Variants in UNC45A observed in about 807,000 individuals in gnomAD.
UNC45A encodes the protein protein unc-45 homolog A.
A neutral mutation model predicts 103.2 loss-of-function variants in UNC45A; 78 were observed. That is an observed-to-expected ratio of 0.76 (90% CI 0.63 to 0.91). The LOEUF (loss-of-function observed/expected upper bound fraction) is 0.91, where lower values mean the gene tolerates loss of function less well. Among genes scored for constraint, UNC45A ranks in the 40% least tolerant of loss-of-function variants. The probability of loss-of-function intolerance (pLI) is 0.00; values close to 1 mark genes in which losing one functional copy is unlikely to be tolerated. For missense variants in UNC45A, 1,193 were observed against 1,224.8 expected (o/e 0.97, Z 0.39); for synonymous variants, 495 against 504.6 (o/e 0.98, Z 0.25).
rs753614702 is a variant in UNC45A, at chr15:90,949,302, G to A, written c.1879-14G>A. 6.2e-7 allele frequency: 1 copy of A among 1,609,106 alleles called. No homozygotes were observed. The highest frequency in any genetic ancestry group is 8.5e-7 in the Non-Finnish European group (1 of 1,179,718). On this transcript the variant is annotated splice_polypyrimidine_tract_variant and intron_variant, in intron 13 of 19. Coordinates refer to ENST00000418476, the MANE Select transcript of UNC45A (RefSeq NM_018671.5). ...TCAGCCTAGGCCCCTCTCCTAAGCT[G>A]CCTCCTCCCCCAGGACAAGCCAAGC...
chr15:90,938,967 T>G (rs1205013563), intron 4 of UNC45A, among the ~76,000 whole-genome samples: 1 of 150,122 alleles, frequency 6.7e-6, no homozygotes, highest in Admixed American at 6.7e-5. Context: ...CCACCGTGCC[T>G]GGCTTCAGAT....
intron 16 of UNC45A, 105 bp from the exon 17 acceptor site, chr15:90,950,395 C>T: frequency 1.4e-6 from 2 of 1,464,130 alleles, no homozygotes; most frequent in Non-Finnish European, 1.9e-6. Flanking sequence ...GGGAGGACAG[C>T]CTGAGACAGC....
chr15:90,950,300 C>T (rs754071363), intron 16 of UNC45A, 33 bp downstream of exon 16: 154 of 1,548,362 alleles, frequency 9.9e-5, no homozygotes, highest in Admixed American at 2.4e-4. Context: ...CTTTCCACTC[C>T]CTCTGTCCCT....
Position 90,949,335 on chromosome 15 carries a change from G to T in UNC45A, c.1898G>T (p.Arg633Leu). ...QHPKDKPSFV[R>L]ARVKKLLAAG... ...CCCCAGGACAAGCCAAGCTTCGTGC[G>T]GGCTCGGGTGAAGAAGCTGCTGGCA... The change falls in exon 14 of 20, where the codon CGG becomes CTG. Residue 633 changes from arginine to leucine, a missense_variant. Transcript: ENST00000418476. 6.2e-7 allele frequency: 1 copy of T among 1,612,878 alleles called. No homozygotes were observed. Among genetic ancestry groups the T allele is most frequent in the African/African-American group, 1.3e-5 (1 of 75,046 alleles).
chr15:90,940,505 C>T (rs770484121), intron 6 of UNC45A, 32 bp downstream of exon 6: 49 of 1,591,762 alleles, frequency 3.1e-5, no homozygotes, highest in Non-Finnish European at 3.9e-5. Context: ...GTTACAGCTT[C>T]AGTCCCTTTG....
At position 90,942,494 on chromosome 15, in the gene UNC45A, G is replaced by A. The variant is rs1012504238; in HGVS notation, c.745G>A (p.Glu249Lys). The change falls in exon 7 of 20, where the codon GAA becomes AAA. Residue 249 changes from glutamate (E) to lysine (K), a missense_variant. By Grantham distance (56) the Glu-to-Lys change is moderately conservative. Coordinates refer to ENST00000418476, the MANE Select transcript of UNC45A (RefSeq NM_018671.5). Reference protein sequence around the residue: ...TRRVVSILGVESQAVSLAACH... With the variant: ...TRRVVSILGVKSQAVSLAACH... ...GCGAGTAGTCTCCATCCTGGGCGTG[G>A]AAAGCCAGGCTGTGTCCCTGGCTGC... 4 of 1,614,152 alleles carry A rather than the reference G, an allele frequency of 2.5e-6. No homozygotes were observed. The highest frequency in any genetic ancestry group is 1.6e-4 in the Middle Eastern group (1 of 6,062).
rs1213760795 is a variant in UNC45A, at chr15:90,936,441, G to C, written c.407G>C (p.Gly136Ala). The C allele has an allele frequency of 3.7e-6, 6 of 1,614,156 alleles. No individual in the cohort carries two copies. The highest frequency in any genetic ancestry group is 5.1e-6 in the Non-Finnish European group (6 of 1,180,006). ...KVFQEALRNI[G>A]GQIQEKVRYM... ...TTCCAGGAGGCCTTGCGGAACATCGGGGGCCAGATTCAGGAGAAGGTATGT... is the reference window on the plus strand; with the variant it reads ...TTCCAGGAGGCCTTGCGGAACATCGCGGGCCAGATTCAGGAGAAGGTATGT... Residue 136 changes from glycine (G) to alanine (A), a missense_variant, in exon 4 of 20, where the codon GGG (glycine) becomes GCG (alanine). Coordinates refer to ENST00000418476, the MANE Select transcript of UNC45A (RefSeq NM_018671.5).
rs768721514 is a variant in UNC45A, at chr15:90,946,720, A to C, written c.1306A>C (p.Ser436Arg). 3.3e-5 allele frequency: 54 copies of C among 1,613,324 alleles called. No individual in the cohort carries two copies. Among genetic ancestry groups the C allele is most frequent in the Non-Finnish European group, 4.4e-5 (52 of 1,180,028 alleles). Residue 436 changes from serine (S) to arginine (R), a missense_variant, in exon 10 of 20, where the codon AGC (serine) becomes CGC (arginine). By Grantham distance (110) the Ser-to-Arg change is moderately radical. Coordinates refer to ENST00000418476, the MANE Select transcript of UNC45A (RefSeq NM_018671.5). The stretch of plus-strand genomic sequence containing the variant: ...CGCTGGCAACCGGGCCTTGGAGCTG[A>C]GCGGTGTCATGGAGAGTGTGATTGC... ...CDAGNRALEL[S>R]GVMESVIALC... is the part of the protein sequence containing the mutation.
Position 90,953,022 on chromosome 15 carries a change from G to A in UNC45A, c.2397G>A (p.Met799Ile), listed in dbSNP as rs1403071425. ...EMIRRAATEC[M>I]CNLAMSKEVQ... ...TCCGCCGGGCAGCCACGGAGTGCAT[G>A]TGTAACTTGGCCATGAGCAAGGAGG... is the stretch of plus-strand genomic sequence containing the variant. The change falls in exon 18 of 20, where the codon ATG becomes ATA. Residue 799 changes from methionine to isoleucine, a missense_variant. Physicochemically the swap from Met to Ile is conservative, Grantham distance 10. Coordinates refer to ENST00000418476, the MANE Select transcript of UNC45A (RefSeq NM_018671.5). The A allele has an allele frequency of 1.9e-6, 3 of 1,613,624 alleles. No individual in the cohort carries two copies. The East Asian group carries it at 6.7e-5, about 36-fold the overall frequency.
Position 90,942,460 on chromosome 15 carries a change from G to A in UNC45A, c.711G>A (p.Leu237=). Residue 237 remains leucine (L), a synonymous_variant, in exon 7 of 20, where the codon CTG becomes CTA. Coordinates refer to ENST00000418476, the MANE Select transcript of UNC45A (RefSeq NM_018671.5). ...QSRTVATLSI[L]GTRRVVSILG... The stretch of plus-strand genomic sequence containing the variant: ...AGACAGTGGCAACCCTGAGCATACT[G>A]GGAACTCGGCGAGTAGTCTCCATCC... 6.2e-7 allele frequency: 1 copy of A among 1,613,568 alleles called. No homozygotes were observed. The highest frequency in any genetic ancestry group is 8.5e-7 in the Non-Finnish European group (1 of 1,179,746).
intron 3 of UNC45A, 97 bp from the exon 4 acceptor site, chr15:90,936,188 C>A (rs769900698): frequency 5.2e-6 from 8 of 1,535,154 alleles, no homozygotes; most frequent in South Asian, 3.9e-5. Flanking sequence ...TTCGTCCCCC[C>A]CACCTTCTTC....
At chr15:90,931,041 T>C (rs1175619565), upstream of UNC45A, 13 of 509,886 alleles carry the variant, frequency 2.5e-5, no homozygotes, top group East Asian at 3.6e-4. Context: ...ACCCAAGACT[T>C]GGGGAGAGGC....
At position 90,942,927 on chromosome 15, in the gene UNC45A, T is replaced by C; in HGVS notation, c.872T>C (p.Leu291Pro). The change falls in exon 8 of 20, where the codon CTG becomes CCG. Residue 291 changes from leucine to proline, a missense_variant. Coordinates refer to ENST00000418476, the MANE Select transcript of UNC45A (RefSeq NM_018671.5). ...GAIIVDPARE[L>P]KVLISNLLDL... ...TTGTTGCCAGATCCTGCCCGGGAGC[T>C]GAAGGTCCTCATCAGTAACCTCTTA... 1 of 1,608,612 alleles carries C rather than the reference T, an allele frequency of 6.2e-7. No individual in the cohort carries two copies. Among genetic ancestry groups the C allele is most frequent in the Non-Finnish European group, 8.5e-7 (1 of 1,176,198 alleles).
In UNC45A at chr15:90,946,646, A is replaced by G. The variant is rs770574085; in HGVS notation, c.1232A>G (p.Lys411Arg). 1.9e-6 allele frequency: 3 copies of G among 1,610,300 alleles called. No homozygotes were observed. The highest frequency in any genetic ancestry group is 4.5e-5 in the East Asian group (2 of 44,836). The change falls in exon 10 of 20, where the codon AAG becomes AGG. Residue 411 changes from lysine (K) to arginine (R), a missense_variant. Coordinates refer to ENST00000418476, the MANE Select transcript of UNC45A (RefSeq NM_018671.5). ...TTTGAGGGCCAAGGGCTGGCCGGGA[A>G]GCTACGGGCCATCCAGACGGTGTCC... Reference protein sequence around the residue: ...SWFEGQGLAGKLRAIQTVSCL... With the variant: ...SWFEGQGLAGRLRAIQTVSCL...
At position 90,950,282 on chromosome 15, in the gene UNC45A, G is replaced by A; in HGVS notation, c.2187+15G>A. On this transcript the variant is annotated intron_variant, in intron 16 of 19. Coordinates refer to ENST00000418476, the MANE Select transcript of UNC45A (RefSeq NM_018671.5). ...CTGGCGAGCGGGTACGTGTCTTCCT[G>A]CCCCGGCCTTTCCACTCCCTCTGTC... 1 of 1,551,366 alleles carries A rather than the reference G, an allele frequency of 6.4e-7. No individual in the cohort carries two copies. Among genetic ancestry groups the A allele is most frequent in the Non-Finnish European group, 8.7e-7 (1 of 1,146,772 alleles).
At chr15:90,935,871 G>C (rs2035988971) in intron 2 of UNC45A, 75 bp from the exon 3 acceptor site, 1 of 1,607,094 alleles carries the variant, frequency 6.2e-7, no homozygotes, top group Non-Finnish European at 8.5e-7. Flanking sequence ...TGGAGAGCGA[G>C]AGTACCCCTG....
intron 4 of UNC45A, among the ~76,000 whole-genome samples, chr15:90,939,492 G>A (rs939114274): frequency 1.3e-5 from 2 of 152,208 alleles, no homozygotes; most frequent in African/African-American, 4.8e-5. Flanking sequence ...AGGCACTCCA[G>A]CATCGGCGCA....
At position 90,935,329 on chromosome 15, in the gene UNC45A, C is replaced by T; in HGVS notation, c.5C>T (p.Thr2Ile). 6.2e-7 allele frequency: 1 copy of T among 1,604,536 alleles called. No homozygotes were observed. The highest frequency in any genetic ancestry group is 8.5e-7 in the Non-Finnish European group (1 of 1,176,972). The change falls in exon 1 of 20, where the codon ACT becomes ATT. Residue 2 changes from threonine (T) to isoleucine (I), a missense_variant. By Grantham distance (89) the Thr-to-Ile change is moderately conservative. Transcript: ENST00000418476. M[T>I]VSGPGTPEPR... The stretch of plus-strand genomic sequence containing the variant: ...GCACGAGACAACCTCTCCGCGATGA[C>T]TGTGAGTGGTCCAGGGACCCCCGAG...
At chr15:90,943,492 T>C (rs376623668) in intron 8 of UNC45A, among the ~76,000 whole-genome samples, 156 of 150,878 alleles carry the variant, frequency 1.0e-3, no homozygotes, top group African/African-American at 3.6e-3. Flanking sequence ...TGCACTGAAG[T>C]GCGTCCTGTG....
Sources: allele counts gnomAD v4.1 joint callset (sites outside exome capture counted in the v4.1 genomes callset), GRCh38; gene constraint gnomAD v4.1.1; transcripts MANE v1.5; gene names NCBI Gene and HGNC (gene_info 2026-07-23, HGNC 2026-07-21).